The following PIP5K1B variants were observed in gnomAD, a reference collection of about 807,000 sequenced individuals.
PIP5K1B encodes phosphatidylinositol 4-phosphate 5-kinase type-1 beta.
Under a neutral mutation model 67.0 loss-of-function variants are expected in PIP5K1B, and 42 were observed. The observed-to-expected ratio is 0.63, with a 90% confidence interval of 0.49 to 0.81. The LOEUF is 0.81. PIP5K1B is among the 30% of genes least tolerant of loss of function. The probability of loss-of-function intolerance (pLI) is 0.00; values close to 1 mark genes in which losing one functional copy is unlikely to be tolerated. For synonymous variants in PIP5K1B, 214 were observed against 231.4 expected, an observed-to-expected ratio of 0.92 and a Z score of 0.68; for missense variants, 459 against 646.3, an observed-to-expected ratio of 0.71 and a Z score of 3.14.
chr9:68,880,575 A>G (rs1417481744), intron 6 of PIP5K1B, among the ~76,000 whole-genome samples: 2 of 52,378 alleles, frequency 3.8e-5, no homozygotes, highest in Non-Finnish European at 1.1e-4. Flanking sequence ...ACACACACAC[A>G]CACACACACA....
intron 7 of PIP5K1B, among the ~76,000 whole-genome samples, chr9:68,889,461 G>A (rs555188283): frequency 4.6e-5 from 7 of 152,108 alleles, no homozygotes; most frequent in East Asian, 1.9e-4. Context: ...GTGGCCAGGC[G>A]TGGTGGCTCA....
intron 12 of PIP5K1B, among the ~76,000 whole-genome samples, chr9:68,929,974 TC>T (rs1826910801): frequency 6.6e-6 from 1 of 152,234 alleles, no homozygotes; most frequent in South Asian, 2.1e-4. Context: ...CCAGCCTCTT[TC>T]AGTCTTCTTA....
intron 2 of PIP5K1B, among the ~76,000 whole-genome samples, chr9:68,752,798 AT>A (rs1490669655): frequency 6.6e-6 from 1 of 152,182 alleles, no homozygotes; most frequent in African/African-American, 2.4e-5. Flanking sequence ...ATTGGTTAAA[AT>A]TTTAACTCTC....
At chr9:68,915,675 T>C (rs1587660804) in intron 8 of PIP5K1B, among the ~76,000 whole-genome samples, 1 of 152,256 alleles carries the variant, frequency 6.6e-6, no homozygotes, top group South Asian at 2.1e-4. Flanking sequence ...TCCACATTGT[T>C]ATCAAGCCAT....
chr9:68,950,008 G>A (rs1020129311), intron 14 of PIP5K1B, among the ~76,000 whole-genome samples: 1 of 152,148 alleles, frequency 6.6e-6, no homozygotes, highest in African/African-American at 2.4e-5. Flanking sequence ...AAAACCTTTA[G>A]GCCAAACTTA....
intron 14 of PIP5K1B, among the ~76,000 whole-genome samples, chr9:68,959,846 A>T (rs755232403): frequency 2.6e-5 from 4 of 152,176 alleles, no homozygotes; most frequent in Non-Finnish European, 5.9e-5. Context: ...GACGCGTCGG[A>T]TATTTCAGCA....
At chr9:68,900,926 A>G (rs534789846) in intron 8 of PIP5K1B, among the ~76,000 whole-genome samples, 105 of 152,340 alleles carry the variant, frequency 6.9e-4, no homozygotes, top group Non-Finnish European at 1.2e-3. Context: ...GCATGTTTGC[A>G]TGGGTTACAA....
At chr9:68,767,348 C>CT (rs1370512164) in intron 2 of PIP5K1B, among the ~76,000 whole-genome samples, 1 of 152,106 alleles carries the variant, frequency 6.6e-6, no homozygotes, top group Non-Finnish European at 1.5e-5. Context: ...AATCCCAGCA[C>CT]TTTGGGAGGC....
chr9:68,999,627 T>A (rs1362091296), intron 15 of PIP5K1B, among the ~76,000 whole-genome samples: 1 of 152,026 alleles, frequency 6.6e-6, no homozygotes, highest in Non-Finnish European at 1.5e-5. Flanking sequence ...AACAGGGTCC[T>A]TCAGCTCTGA....
chr9:68,714,585 T>C (rs566014619), intron 1 of PIP5K1B, among the ~76,000 whole-genome samples: 1 of 152,246 alleles, frequency 6.6e-6, no homozygotes, highest in African/African-American at 2.4e-5. Flanking sequence ...GCTGGCCAGA[T>C]CTCTGCTTCC....
At chr9:69,003,004 AT>A (rs1206346229) in intron 15 of PIP5K1B, among the ~76,000 whole-genome samples, 1 of 152,128 alleles carries the variant, frequency 6.6e-6, no homozygotes, top group African/African-American at 2.4e-5. Flanking sequence ...ATAAAATAAA[AT>A]TCAGGGATCT....
chr9:68,992,522 T>C (rs1830424785), intron 15 of PIP5K1B, among the ~76,000 whole-genome samples: 1 of 152,104 alleles, frequency 6.6e-6, no homozygotes, highest in Admixed American at 6.5e-5. Flanking sequence ...CCTAAGATGC[T>C]ACTCCTAGCA....
At chr9:68,958,865 A>G (rs1161582472) in intron 14 of PIP5K1B, among the ~76,000 whole-genome samples, 1 of 152,192 alleles carries the variant, frequency 6.6e-6, no homozygotes, top group African/African-American at 2.4e-5. Context: ...TGACAGAGAA[A>G]AGTATTTTAT....
chr9:68,925,454 A>G (rs1468115483), intron 12 of PIP5K1B, among the ~76,000 whole-genome samples: 1 of 152,136 alleles, frequency 6.6e-6, no homozygotes, highest in Non-Finnish European at 1.5e-5. Context: ...TTTTGCATGT[A>G]AGTACTGGTA....
intron 5 of PIP5K1B, 126 bp from the exon 6 acceptor site, chr9:68,876,551 G>C: frequency 1.6e-6 from 1 of 636,730 alleles, no homozygotes; most frequent in Non-Finnish European, 2.8e-6. Context: ...TGAGAAACCC[G>C]CTCTCAGGGG....
intron 1 of PIP5K1B, among the ~76,000 whole-genome samples, chr9:68,740,850 CATGG>C (rs1828971510): frequency 6.6e-6 from 1 of 152,192 alleles, no homozygotes; most frequent in African/African-American, 2.4e-5. Context: ...GAGCTCAAGC[CATGG>C]TGTAGCTAGT....
chr9:68,938,063 A>G (rs547188367), intron 13 of PIP5K1B, among the ~76,000 whole-genome samples: 6 of 152,326 alleles, frequency 3.9e-5, no homozygotes, highest in Non-Finnish European at 7.4e-5. Context: ...GCTGAGAAGA[A>G]TGTATATTCT....
chr9:68,866,932 A>C (rs1823387431), intron 5 of PIP5K1B, among the ~76,000 whole-genome samples: 1 of 152,178 alleles, frequency 6.6e-6, no homozygotes, highest in African/African-American at 2.4e-5. Context: ...TTTGTGAGGC[A>C]ATATTGCTGG....
At chr9:69,003,459 T>C (rs987827172) in intron 15 of PIP5K1B, among the ~76,000 whole-genome samples, 2 of 109,696 alleles carry the variant, frequency 1.8e-5, no homozygotes, top group African/African-American at 7.4e-5. Flanking sequence ...CCTGAGGTAA[T>C]TATAGTTAAA....
Sources: gnomAD v4.1 joint callset for allele counts (sites outside exome capture counted in the v4.1 genomes callset) on GRCh38, gnomAD v4.1.1 for gene constraint, MANE v1.5 for transcripts, NCBI Gene and HGNC (gene_info 2026-07-23, HGNC 2026-07-21) for gene names.